The following TNFRSF8 variants were observed in gnomAD, a reference collection of about 807,000 sequenced individuals.
The protein encoded by TNFRSF8 is TNF receptor superfamily member 8, also known as tumor necrosis factor receptor superfamily member 8.
A neutral mutation model predicts 70.8 loss-of-function variants in TNFRSF8; 26 were observed. The ratio of observed to expected loss-of-function variants is 0.37; its 90% CI spans 0.27 to 0.51. TNFRSF8 has a LOEUF of 0.51. Ranked by LOEUF, TNFRSF8 falls within the 20% of genes least tolerant of loss-of-function variation. TNFRSF8 has a pLI of 0.94. For missense variants in TNFRSF8, 720 were observed against 807.9 expected, an observed-to-expected ratio of 0.89 and a Z score of 1.32; for synonymous variants, 356 against 339.2, an observed-to-expected ratio of 1.05 and a Z score of -0.54.
chr1:12,118,037 A>G (rs1406070128), intron 8 of TNFRSF8, among the ~76,000 whole-genome samples: 1 of 152,166 alleles, frequency 6.6e-6, no homozygotes, highest in Non-Finnish European at 1.5e-5. Context: ...TTCTTTCCTT[A>G]TGATGGCTGA....
chr1:12,074,545 G>C (rs1323071514), intron 1 of TNFRSF8, among the ~76,000 whole-genome samples: 1 of 152,140 alleles, frequency 6.6e-6, no homozygotes, highest in Non-Finnish European at 1.5e-5. Context: ...CTCCCAAAGT[G>C]CTGGGATTAC....
rs1214163021 is a variant in TNFRSF8 at position 12,069,155 on chromosome 1, G to A, written c.63+5494G>A. Among the ~76,000 whole-genome samples, 6 of 141,048 alleles carry A rather than the reference G, an allele frequency of 4.3e-5. No homozygotes were observed. The East Asian group carries it at 8.4e-4, about 20-fold the overall frequency. The allele number at this position is 141,048 out of a possible 152,430, so 92.5% of individuals were successfully genotyped here. ...CAAAGTGCTGGGATTACAGGCATGA[G>A]CCACTGCACCCGGCCTTTTTTTTTT... On this transcript the variant is annotated intron_variant, in intron 1 of 14. Transcript: ENST00000263932.
At chr1:12,098,455 C>T (rs888764576) in intron 3 of TNFRSF8, among the ~76,000 whole-genome samples, 3 of 152,132 alleles carry the variant, frequency 2.0e-5, no homozygotes, top group East Asian at 1.9e-4. Flanking sequence ...ATGGCTGACA[C>T]GCCTCTACCT....
chr1:12,087,074 TATCC>T (rs57832338), intron 2 of TNFRSF8, among the ~76,000 whole-genome samples: 39,513 of 114,842 alleles, frequency 0.34, 7,056 homozygotes, highest in Middle Eastern at 0.45. Flanking sequence ...TCTACCTTTC[TATCC>T]ATCCATCCAT....
rs767288616 is a variant in TNFRSF8, at chr1:12,084,514, C to T, written c.114C>T (p.Asp38=). Reference sequence around the variant, plus strand: ...ATGGAAACCCCAGCCACTACTATGACAAGGCTGTCAGGAGGTGCTGTTACC... The same window carrying T: ...ATGGAAACCCCAGCCACTACTATGATAAGGCTGTCAGGAGGTGCTGTTACC... ...TCHGNPSHYY[D]KAVRRCCYRC... The change falls in exon 2 of 15, where the codon GAC becomes GAT. Residue 38 remains aspartate (D), a synonymous_variant. Transcript: ENST00000263932. 1 of 1,613,934 alleles carries T rather than the reference C, an allele frequency of 6.2e-7. No individual in the cohort carries two copies. The highest frequency in any genetic ancestry group is 8.5e-7 in the Non-Finnish European group (1 of 1,179,960).
chr1:12,142,242 C>T lies in TNFRSF8; in HGVS notation c.1544-45C>T, dbSNP rs1642265761. 1 of 1,518,694 alleles carries T rather than the reference C, an allele frequency of 6.6e-7. No homozygotes were observed. The allele number at this position is 1,518,694 out of a possible 1,614,324, so 94.1% of individuals were successfully genotyped here. ...CTCTGCCTCTTTGCTCCCATCCTGG[C>T]TGGTGCTCTGGCCTCCCTCGCTCAC... On this transcript the variant is annotated intron_variant, in intron 14 of 14. Transcript: ENST00000263932. This position sits in a 1 kb window ranked among gnomAD's most constrained non-coding sequence, Gnocchi z 5.0.
intron 8 of TNFRSF8, among the ~76,000 whole-genome samples, chr1:12,121,652 G>A (rs1311877851): frequency 6.6e-6 from 1 of 152,208 alleles, no homozygotes; most frequent in Non-Finnish European, 1.5e-5. Context: ...AGCTGGGTCA[G>A]ACCAGTGGTG....
intron 10 of TNFRSF8, among the ~76,000 whole-genome samples, chr1:12,124,510 T>C (rs1641894665): frequency 6.6e-6 from 1 of 152,202 alleles, no homozygotes; most frequent in Non-Finnish European, 1.5e-5. Flanking sequence ...CAGTGTAGCA[T>C]TGTAGACGGC....
At chr1:12,136,667 A>T (rs1407694521) in intron 13 of TNFRSF8, among the ~76,000 whole-genome samples, 1 of 134,424 alleles carries the variant, frequency 7.4e-6, no homozygotes, top group Non-Finnish European at 1.6e-5. Flanking sequence ...AAAAAAAAAA[A>T]GGCAGTCTTT....
intron 1 of TNFRSF8, chr1:12,080,311 T>C (rs1372458458): frequency 3.8e-6 from 2 of 524,006 alleles, no homozygotes; most frequent in South Asian, 1.4e-5. Flanking sequence ...GTGGAACATA[T>C]GCCTTCTTCT....
chr1:12,110,071 G>C lies in TNFRSF8; in HGVS notation c.543G>C (p.Pro181=). Residue 181 remains proline (P), a synonymous_variant, in exon 6 of 15, where the codon CCG becomes CCC. Transcript: ENST00000263932. The surrounding 1 kb of genome is among the most constrained non-coding windows in gnomAD (Gnocchi z 4.0). ...CCATCCCCCAGGCCAAGCCCACCCC[G>C]GTGTCCCCAGCAACCTCCAGTGCCA... is the stretch of plus-strand genomic sequence containing the variant. The part of the protein sequence containing the change: ...SGTIPQAKPT[P]VSPATSSAST... 1 of 1,613,112 alleles carries C rather than the reference G, an allele frequency of 6.2e-7. No individual in the cohort carries two copies. The highest frequency in any genetic ancestry group is 1.1e-5 in the South Asian group (1 of 90,932).
chr1:12,109,456 G>A lies in TNFRSF8; in HGVS notation c.422-110G>A, dbSNP rs1489627861. 16 of 849,132 alleles carry A rather than the reference G, an allele frequency of 1.9e-5. No homozygotes were observed. Among genetic ancestry groups the A allele is most frequent in the Middle Eastern group, 2.2e-4 (1 of 4,454 alleles). 52.6% of individuals were successfully genotyped at this position (849,132 alleles called of 1,614,324 possible). A position where few individuals can be genotyped will look rare whatever the true frequency, so the allele number is the denominator to read the frequency against. ...GGTGCCACCTCCAGATGACTGCTGT[G>A]TTTTCCAAGGGCCCCATCTCCGACT... On this transcript the variant is annotated intron_variant, in intron 4 of 14. Transcript: ENST00000263932. The surrounding 1 kb of genome is among the most constrained non-coding windows in gnomAD (Gnocchi z 4.4).
At chr1:12,126,298 C>T (rs1360973443) in intron 12 of TNFRSF8, 62 bp downstream of exon 12, 6 of 1,597,622 alleles carry the variant, frequency 3.8e-6, no homozygotes, top group Non-Finnish European at 3.4e-6. Flanking sequence ...AGCTCTGGGC[C>T]CGGGGCGTGG....
At chr1:12,082,561 A>AAC (rs1553153711) in intron 1 of TNFRSF8, among the ~76,000 whole-genome samples, 3 of 150,510 alleles carry the variant, frequency 2.0e-5, no homozygotes, top group Non-Finnish European at 3.0e-5. Flanking sequence ...AAAAAAAAAA[A>AAC]AACAAAAACA....
intron 1 of TNFRSF8, among the ~76,000 whole-genome samples, chr1:12,078,486 C>T (rs1250316108): frequency 4.6e-5 from 7 of 152,136 alleles, no homozygotes; most frequent in East Asian, 3.8e-4. Flanking sequence ...ATTGCTTGAA[C>T]GCGAGAGGTA....
At chr1:12,065,033 G>A (rs1640712766) in intron 1 of TNFRSF8, among the ~76,000 whole-genome samples, 1 of 151,558 alleles carries the variant, frequency 6.6e-6, no homozygotes, top group Non-Finnish European at 1.5e-5. Flanking sequence ...TGTCCAGGCT[G>A]GAGTGCGATC....
chr1:12,123,592 C>T (rs1254722825), intron 9 of TNFRSF8, 123 bp from the exon 10 acceptor site: 20 of 989,342 alleles, frequency 2.0e-5, no homozygotes, highest in Middle Eastern at 2.1e-4. Flanking sequence ...GGCAGAGACT[C>T]GGGGCAGAGG....
Position 12,143,001 on chromosome 1 carries a change from C to T in TNFRSF8, c.*470C>T, listed in dbSNP as rs1451759730. 6.4e-6 allele frequency: 1 copy of T among 157,370 alleles called. No individual in the cohort carries two copies. Among genetic ancestry groups the T allele is most frequent in the Non-Finnish European group, 1.4e-5 (1 of 71,320 alleles). The allele number at this position is 157,370 out of a possible 1,614,324, so 9.7% of individuals were successfully genotyped here. A position where few individuals can be genotyped will look rare whatever the true frequency, so the allele number is the denominator to read the frequency against. On this transcript the variant is annotated 3_prime_UTR_variant, in exon 15 of 15. Coordinates refer to ENST00000263932, the MANE Select transcript of TNFRSF8 (RefSeq NM_001243.5). The surrounding 1 kb of genome is among the most constrained non-coding windows in gnomAD (Gnocchi z 4.1). ...CCATTGGGCCCTTCCGGCATGCCCC[C>T]AGTTACTGTAAATGTGGCCCCCAGT...
intron 12 of TNFRSF8, among the ~76,000 whole-genome samples, chr1:12,133,811 G>C (rs993503608): frequency 6.6e-6 from 1 of 150,734 alleles, no homozygotes; most frequent in Non-Finnish European, 1.5e-5. Context: ...CCAGCACTTC[G>C]AGAGGCCGAG....
Sources: allele counts gnomAD v4.1 joint callset (sites outside exome capture counted in the v4.1 genomes callset), GRCh38; gene constraint gnomAD v4.1.1; non-coding constraint Gnocchi (gnomAD v3.1); transcripts MANE v1.5; gene names NCBI Gene and HGNC (gene_info 2026-07-23, HGNC 2026-07-21).